The following HFM1 variants were observed in gnomAD, a reference collection of about 807,000 sequenced individuals.
HFM1 encodes the protein helicase for meiosis 1, also known as probable ATP-dependent DNA helicase HFM1.
HFM1 carries 169 observed loss-of-function variants against 192.1 expected under a neutral mutation model. The ratio of observed to expected loss-of-function variants is 0.88; its 90% confidence interval spans 0.78 to 1.00. The LOEUF (loss-of-function observed/expected upper bound fraction) is 1.00. Among genes scored for constraint, HFM1 ranks in the 50% least tolerant of loss-of-function variants. The pLI, the probability that HFM1 is intolerant of heterozygous loss-of-function variation, is 0.00. For missense variants in HFM1, 1,661 were observed against 1,668.0 expected (o/e 1.00, Z 0.07); for synonymous variants, 525 against 537.8 (o/e 0.98, Z 0.33).
intron 36 of HFM1, 101 bp downstream of exon 36, chr1:91,265,916 T>C (rs926332445): frequency 6.7e-7 from 1 of 1,495,590 alleles, no homozygotes; most frequent in African/African-American, 1.5e-5. Context: ...GGCTAATACC[T>C]TTTAGCATCT....
At chr1:91,270,672 A>G (rs1666207611) in intron 34 of HFM1, among the ~76,000 whole-genome samples, 1 of 152,116 alleles carries the variant, frequency 6.6e-6, no homozygotes, top group Non-Finnish European at 1.5e-5. Flanking sequence ...TAATGGTTTT[A>G]CTGAAATCAA....
At chr1:91,321,179 C>T (rs867295307) in intron 23 of HFM1, among the ~76,000 whole-genome samples, 1 of 152,182 alleles carries the variant, frequency 6.6e-6, no homozygotes, top group African/African-American at 2.4e-5. Context: ...CGCTGGCTCA[C>T]GCCTGTAATC....
intron 30 of HFM1, among the ~76,000 whole-genome samples, chr1:91,277,877 T>C (rs1667071116): frequency 1.8e-5 from 2 of 109,158 alleles, no homozygotes; most frequent in African/African-American, 7.3e-5. Context: ...ATATATAATA[T>C]ATACTTATAT....
chr1:91,309,372 T>C (rs1048862350), intron 30 of HFM1, among the ~76,000 whole-genome samples: 1 of 152,238 alleles, frequency 6.6e-6, no homozygotes, highest in Admixed American at 6.5e-5. Context: ...GTAAATGTTT[T>C]ACATTATTAT....
chr1:91,277,213 T>TC, intron 30 of HFM1, 151 bp from the exon 31 acceptor site: 1 of 449,358 alleles, frequency 2.2e-6, no homozygotes. Context: ...TCCACGTAAT[T>TC]TTTTTTTTAA....
At chr1:91,365,968 GAAA>G (rs11329587) in intron 13 of HFM1, among the ~76,000 whole-genome samples, 12 of 124,904 alleles carry the variant, frequency 9.6e-5, no homozygotes, top group Middle Eastern at 4.2e-3. Context: ...GTATGTTCCT[GAAA>G]AAAAAAAAAA....
upstream of HFM1, among the ~76,000 whole-genome samples, chr1:91,407,814 C>G (rs1431582008): frequency 6.6e-6 from 1 of 152,182 alleles, no homozygotes; most frequent in African/African-American, 2.4e-5. Context: ...AATGCTATTA[C>G]AGCCAATGCC....
chr1:91,357,119 C>T (rs888937320), intron 13 of HFM1, among the ~76,000 whole-genome samples: 11 of 152,134 alleles, frequency 7.2e-5, no homozygotes, highest in African/African-American at 2.2e-4. Flanking sequence ...GCTACTATCA[C>T]GTTGATACCT....
intron 16 of HFM1, 97 bp downstream of exon 16, chr1:91,352,409 A>T: frequency 1.1e-6 from 1 of 904,246 alleles, no homozygotes; most frequent in Non-Finnish European, 1.6e-6. Context: ...TATTACTTTT[A>T]AGCCTGATAC....
intron 30 of HFM1, among the ~76,000 whole-genome samples, chr1:91,308,355 T>C (rs142365360): frequency 2.7e-3 from 412 of 152,290 alleles, no homozygotes; most frequent in Non-Finnish European, 4.6e-3. Context: ...TTTGGTTATA[T>C]TGAATCTAAT....
intron 4 of HFM1, 86 bp downstream of exon 4, chr1:91,394,007 C>T: frequency 1.4e-6 from 1 of 735,938 alleles, no homozygotes; most frequent in East Asian, 2.9e-5. Context: ...TTTTCTCATT[C>T]ACATTGTACC....
At chr1:91,391,524 G>A in intron 4 of HFM1, among the ~76,000 whole-genome samples, 1 of 152,184 alleles carries the variant, frequency 6.6e-6, no homozygotes, top group East Asian at 1.9e-4. Context: ...TTTAATAAAT[G>A]GTGCTGGGAA....
At chr1:91,405,130 C>T (rs1375931941), upstream of HFM1, among the ~76,000 whole-genome samples, 2 of 152,130 alleles carry the variant, frequency 1.3e-5, no homozygotes, top group Admixed American at 1.3e-4. Flanking sequence ...TTAGCCAGGC[C>T]TCAGCTCTGG....
intron 13 of HFM1, among the ~76,000 whole-genome samples, chr1:91,363,253 G>A (rs1264668506): frequency 6.6e-6 from 1 of 151,874 alleles, no homozygotes; most frequent in Non-Finnish European, 1.5e-5. Context: ...ACAACCCACA[G>A]AATAGGAGAA....
chr1:91,343,281 T>C (rs1438402692), intron 20 of HFM1, 149 bp downstream of exon 20: 2 of 386,742 alleles, frequency 5.2e-6, no homozygotes. Flanking sequence ...TGTTTAAATT[T>C]ATCATGCCTA....
intron 6 of HFM1, among the ~76,000 whole-genome samples, chr1:91,382,855 T>C (rs1183383950): frequency 6.6e-6 from 1 of 152,166 alleles, no homozygotes; most frequent in Non-Finnish European, 1.5e-5. Flanking sequence ...TTACATTCAA[T>C]AAACTCTCAG....
At chr1:91,384,398 A>G (rs1447379242) in intron 6 of HFM1, among the ~76,000 whole-genome samples, 1 of 152,190 alleles carries the variant, frequency 6.6e-6, no homozygotes, top group Non-Finnish European at 1.5e-5. Flanking sequence ...TCCAGAACAC[A>G]CAAACATACT....
At chr1:91,398,004 T>C (rs1463573080) in intron 2 of HFM1, among the ~76,000 whole-genome samples, 1 of 152,206 alleles carries the variant, frequency 6.6e-6, no homozygotes, top group Non-Finnish European at 1.5e-5. Context: ...GTGTTCAACA[T>C]AAACCACACT....
intron 4 of HFM1, among the ~76,000 whole-genome samples, chr1:91,392,232 C>T (rs1663086713): frequency 6.6e-6 from 1 of 152,142 alleles, no homozygotes; most frequent in Non-Finnish European, 1.5e-5. Context: ...TTTGACCCAG[C>T]CATCCCATTA....
Sources: gnomAD v4.1 joint callset for allele counts (sites outside exome capture counted in the v4.1 genomes callset) on GRCh38, gnomAD v4.1.1 for gene constraint, MANE v1.5 for transcripts, NCBI Gene and HGNC (gene_info 2026-07-23, HGNC 2026-07-21) for gene names.